CEP152: variants seen among roughly 807,000 people sequenced by gnomAD.
CEP152 encodes the protein centrosomal protein of 152 kDa.
A neutral mutation model predicts 188.9 loss-of-function variants in CEP152; 132 were observed. The ratio of observed to expected loss-of-function variants is 0.70; its 90% CI spans 0.61 to 0.81. The LOEUF (loss-of-function observed/expected upper bound fraction) is 0.81, where lower values mean the gene tolerates loss of function less well. Among genes scored for constraint, CEP152 ranks in the 30% least tolerant of loss-of-function variants. The pLI, the probability that CEP152 is intolerant of heterozygous loss-of-function variation, is 0.00. For missense variants in CEP152, 1,914 were observed against 1,969.8 expected (o/e 0.97, Z 0.54); for synonymous variants, 649 against 666.6 (o/e 0.97, Z 0.41).
At chr15:48,796,283 T>TAC in intron 5 of CEP152, 123 bp from the exon 6 acceptor site, 1 of 744,652 alleles carries the variant, frequency 1.3e-6, no homozygotes. Context: ...AAGTTGTTTA[T>TAC]ATATATACAC....
In CEP152 at chr15:48,781,226, T is replaced by G. The variant is rs757393906; in HGVS notation, c.1547A>C (p.Lys516Thr). Residue 516 changes from lysine to threonine, a missense_variant, in exon 12 of 27, where the codon AAG (lysine) becomes ACG (threonine). Coordinates refer to ENST00000380950, the MANE Select transcript of CEP152 (RefSeq NM_001194998.2). ...TESYVDLGIK[K>T]VNWKKSKVTS... The stretch of plus-strand genomic sequence containing the variant: ...AACTTTGGATTTTTTCCAGTTGACC[T>G]TTTTAATACCCAAATCCACATACGA... 1 of 1,613,498 alleles carries G rather than the reference T, an allele frequency of 6.2e-7. No homozygotes were observed. Among genetic ancestry groups the G allele is most frequent in the South Asian group, 1.1e-5 (1 of 91,076 alleles).
At chr15:48,760,038 A>C in intron 19 of CEP152, 97 bp downstream of exon 19, 3 of 1,517,958 alleles carry the variant, frequency 2.0e-6, no homozygotes, top group Non-Finnish European at 2.7e-6. Flanking sequence ...TTTATCCTTC[A>C]ACAATTCTAT....
intron 19 of CEP152, among the ~76,000 whole-genome samples, chr15:48,758,418 G>C (rs1026285532): frequency 6.6e-6 from 1 of 152,002 alleles, no homozygotes; most frequent in South Asian, 2.1e-4. Flanking sequence ...CTGGGAGCCT[G>C]TTAGAAATGC....
chr15:48,742,824 T>G (rs1677249), intron 24 of CEP152, among the ~76,000 whole-genome samples: 11,209 of 151,996 alleles, frequency 0.074, 648 homozygotes, highest in Admixed American at 0.17. Flanking sequence ...TTTTTTTTAA[T>G]AAATCCAAGA....
chr15:48,735,657 C>T (rs968585009), downstream of CEP152, among the ~76,000 whole-genome samples: 2 of 152,152 alleles, frequency 1.3e-5, no homozygotes, highest in Non-Finnish European at 2.9e-5. Context: ...ATTGCTTGAA[C>T]CCGGGAGACG....
chr15:48,786,650 C>G (rs1319384501), intron 9 of CEP152, among the ~76,000 whole-genome samples: 1 of 152,118 alleles, frequency 6.6e-6, no homozygotes. Flanking sequence ...CAATTATATG[C>G]AGAGCCTAAC....
chr15:48,787,578 C>T (rs1280283297), intron 9 of CEP152, among the ~76,000 whole-genome samples: 3 of 151,808 alleles, frequency 2.0e-5, no homozygotes, highest in Admixed American at 2.0e-4. Flanking sequence ...CACATAAATA[C>T]ATGTAAAAAT....
chr15:48,745,607 G>C (rs1423376707), intron 22 of CEP152, among the ~76,000 whole-genome samples: 2 of 151,974 alleles, frequency 1.3e-5, no homozygotes, highest in Admixed American at 1.3e-4. Flanking sequence ...CAATGTTTTG[G>C]GGGCAGGGGG....
intron 2 of CEP152, 35 bp from the exon 3 acceptor site, chr15:48,798,086 C>T (rs771510799): frequency 6.4e-7 from 1 of 1,567,628 alleles, no homozygotes; most frequent in Admixed American, 1.7e-5. Context: ...ATCATACCAA[C>T]TTAAACACAA....
At chr15:48,793,518 CAT>C in intron 6 of CEP152, 57 bp from the exon 7 acceptor site, 1 of 1,493,226 alleles carries the variant, frequency 6.7e-7, no homozygotes, top group Non-Finnish European at 9.2e-7. Flanking sequence ...AATTTATAGT[CAT>C]TTAAAGCAGT....
chr15:48,791,443 T>A, intron 7 of CEP152, 67 bp from the exon 8 acceptor site: 1 of 1,347,950 alleles, frequency 7.4e-7, no homozygotes, highest in Non-Finnish European at 1.1e-6. Flanking sequence ...ACAATCCCAA[T>A]CAGATGTCAC....
At chr15:48,801,069 C>G (rs747184322) in intron 2 of CEP152, among the ~76,000 whole-genome samples, 1 of 152,196 alleles carries the variant, frequency 6.6e-6, no homozygotes, top group Non-Finnish European at 1.5e-5. Context: ...CCTCAAGTTA[C>G]AAACCATACA....
chr15:48,792,878 G>A (rs966259718), intron 7 of CEP152, among the ~76,000 whole-genome samples: 4 of 151,418 alleles, frequency 2.6e-5, no homozygotes, highest in Admixed American at 6.6e-5. Context: ...GTGCAATGGC[G>A]CTTTCTCGGC....
rs1413783075 is a variant in CEP152 at position 48,741,927 on chromosome 15, A to T, written c.3989+20T>A. On this transcript the variant is annotated intron_variant, in intron 25 of 26. Coordinates refer to ENST00000380950, the MANE Select transcript of CEP152 (RefSeq NM_001194998.2). ...TGTTGTCCTGGTAATCTCAGGACAC[A>T]TTGTTCAGACTGAACTCACCCTTCT... 3 of 1,614,080 alleles carry T rather than the reference A, an allele frequency of 1.9e-6. No individual in the cohort carries two copies. The highest frequency in any genetic ancestry group is 1.7e-6 in the Non-Finnish European group (2 of 1,180,018).
chr15:48,739,177 A>G lies in CEP152; in HGVS notation c.4205T>C (p.Ile1402Thr), dbSNP rs1214363530. The G allele has an allele frequency of 6.2e-7, 1 of 1,614,024 alleles. No homozygotes were observed. The highest frequency in any genetic ancestry group is 1.7e-5 in the Admixed American group (1 of 60,002). Residue 1402 changes from isoleucine (I) to threonine (T), a missense_variant, in exon 27 of 27, where the codon ATC becomes ACC. By Grantham distance (89) the Ile-to-Thr change is moderately conservative. Transcript: ENST00000380950. Reference sequence around the variant, plus strand: ...AGCTTGTTCGCACAGAGTTCTGGTGATGGTGTTTACACTATTTGATTTGCT... The same window carrying G: ...AGCTTGTTCGCACAGAGTTCTGGTGGTGGTGTTTACACTATTTGATTTGCT... ...IESKSNSVNT[I>T]TRTLCEQAPK...
intron 17 of CEP152, among the ~76,000 whole-genome samples, chr15:48,763,071 A>C (rs2140720943): frequency 6.6e-6 from 1 of 152,320 alleles, no homozygotes; most frequent in South Asian, 2.1e-4. Context: ...TAATTAACGA[A>C]CCAAAACCTG....
At chr15:48,809,089 G>C (rs1479465323) in intron 1 of CEP152, among the ~76,000 whole-genome samples, 1 of 152,002 alleles carries the variant, frequency 6.6e-6, no homozygotes, top group African/African-American at 2.4e-5. Context: ...AAAAGCAATG[G>C]GTATTTGGAC....
chr15:48,808,786 T>C (rs1271803865), intron 1 of CEP152, among the ~76,000 whole-genome samples: 2 of 152,228 alleles, frequency 1.3e-5, no homozygotes, highest in Non-Finnish European at 2.9e-5. Flanking sequence ...TTTACACTAG[T>C]AAAATTATTT....
chr15:48,741,617 G>C lies in CEP152; in HGVS notation c.4077C>G (p.Ser1359Arg), dbSNP rs114263428. ...LETPISSKSQSKTTQSALPLT... is the reference protein window; with the variant it reads ...LETPISSKSQRKTTQSALPLT... ...TTGACATACCTGACTGTGTAGTTTT[G>C]CTTTGGGACTTACTAGAAATAGGTG... The change falls in exon 26 of 27, where the codon AGC becomes AGG. Residue 1359 changes from serine (S) to arginine (R), a missense_variant. Physicochemically the swap from Ser to Arg is moderately radical, Grantham distance 110. Coordinates refer to ENST00000380950, the MANE Select transcript of CEP152 (RefSeq NM_001194998.2). The C allele has an allele frequency of 2.0e-4, 320 of 1,614,100 alleles. 1 individual carries two copies. In the African/African-American group the frequency reaches 3.8e-3, roughly 19 times the overall value.
Sources: gnomAD v4.1 joint callset for allele counts (sites outside exome capture counted in the v4.1 genomes callset) on GRCh38, gnomAD v4.1.1 for gene constraint, MANE v1.5 for transcripts, NCBI Gene and HGNC (gene_info 2026-07-23, HGNC 2026-07-21) for gene names.